NECAB1: variants seen among roughly 807,000 people sequenced by gnomAD.
NECAB1 encodes the protein N-terminal EF-hand calcium binding protein 1.
Under a neutral mutation model 57.5 loss-of-function variants are expected in NECAB1, and 29 were observed. The observed-to-expected ratio is 0.50, with a 90% CI of 0.38 to 0.69. The LOEUF (loss-of-function observed/expected upper bound fraction) is 0.69. NECAB1 is among the 30% of genes least tolerant of loss of function. The probability of loss-of-function intolerance (pLI) is 0.00; values close to 1 mark genes in which losing one functional copy is unlikely to be tolerated. For synonymous variants in NECAB1, 142 were observed against 147.7 expected (o/e 0.96, Z 0.28); for missense variants, 372 against 413.8 (o/e 0.90, Z 0.88).
chr8:90,838,558 C>A (rs1307530169), intron 3 of NECAB1, among the ~76,000 whole-genome samples: 1 of 152,154 alleles, frequency 6.6e-6, no homozygotes, highest in East Asian at 1.9e-4. Flanking sequence ...ACACTCACAC[C>A]CACAGTCACT....
At chr8:90,901,238 A>G (rs1809496091) in intron 5 of NECAB1, among the ~76,000 whole-genome samples, 1 of 151,288 alleles carries the variant, frequency 6.6e-6, no homozygotes, top group East Asian at 1.9e-4. Flanking sequence ...TCTCTGTTAA[A>G]AAAAAAAAAA....
intron 8 of NECAB1, among the ~76,000 whole-genome samples, chr8:90,932,496 T>A (rs546948818): frequency 6.6e-6 from 1 of 152,110 alleles, no homozygotes; most frequent in African/African-American, 2.4e-5. Flanking sequence ...ATAATACAGA[T>A]AGGGGGTTGA....
At chr8:90,822,109 A>G (rs1029990177) in intron 2 of NECAB1, among the ~76,000 whole-genome samples, 1 of 151,882 alleles carries the variant, frequency 6.6e-6, no homozygotes, top group Non-Finnish European at 1.5e-5. Context: ...AAAAGTTCAA[A>G]TTTATTACCA....
chr8:90,896,319 T>G (rs1809329764), intron 5 of NECAB1, among the ~76,000 whole-genome samples: 1 of 152,294 alleles, frequency 6.6e-6, no homozygotes, highest in Middle Eastern at 3.4e-3. Context: ...AGAATTAATA[T>G]GTCGGCCGGG....
At chr8:90,801,661 T>A in intron 1 of NECAB1, 30 bp from the exon 2 acceptor site, 4 of 1,465,782 alleles carry the variant, frequency 2.7e-6, no homozygotes, top group Non-Finnish European at 2.8e-6. Context: ...TCTAAAATGC[T>A]GATAAAATTT....
intron 3 of NECAB1, among the ~76,000 whole-genome samples, chr8:90,828,026 T>C (rs1812250467): frequency 6.6e-6 from 1 of 151,986 alleles, no homozygotes; most frequent in African/African-American, 2.4e-5. Flanking sequence ...CAAATCTAAC[T>C]CTACTGGTTT....
At chr8:90,947,606 G>T (rs1193443670) in intron 10 of NECAB1, among the ~76,000 whole-genome samples, 2 of 152,036 alleles carry the variant, frequency 1.3e-5, no homozygotes, top group Admixed American at 6.6e-5. Context: ...TCACCATGTT[G>T]GCCAGGCTGG....
intron 3 of NECAB1, among the ~76,000 whole-genome samples, chr8:90,864,992 C>T (rs1044740758): frequency 9.2e-5 from 14 of 151,800 alleles, no homozygotes; most frequent in African/African-American, 3.1e-4. Context: ...TGGGGTGGGG[C>T]GCAAATGGAG....
At chr8:90,803,193 G>T (rs547295385) in intron 2 of NECAB1, among the ~76,000 whole-genome samples, 1 of 152,066 alleles carries the variant, frequency 6.6e-6, no homozygotes, top group Non-Finnish European at 1.5e-5. Context: ...CACTGCACCC[G>T]GCCCATTTGA....
chr8:90,908,410 T>C (rs1171601060), intron 5 of NECAB1, among the ~76,000 whole-genome samples: 9 of 152,030 alleles, frequency 5.9e-5, no homozygotes, highest in Admixed American at 6.6e-5. Flanking sequence ...AACGTAACAT[T>C]TGGTTCTACG....
chr8:90,907,423 T>C (rs923928950), intron 5 of NECAB1, among the ~76,000 whole-genome samples: 2 of 152,160 alleles, frequency 1.3e-5, no homozygotes, highest in African/African-American at 4.8e-5. Context: ...GAAATAGTGC[T>C]GTCTTTCAAT....
chr8:90,875,342 G>A (rs564188843), intron 4 of NECAB1, among the ~76,000 whole-genome samples: 2 of 151,214 alleles, frequency 1.3e-5, no homozygotes, highest in East Asian at 2.0e-4. Flanking sequence ...TTAGCCGGGC[G>A]CGGTGGCGGG....
In NECAB1 at chr8:90,879,109, T is replaced by C. The variant is rs936171725; in HGVS notation, c.260-1924T>C. Among the ~76,000 whole-genome samples the C allele has an allele frequency of 1.3e-4, 18 of 140,282 alleles. 1 individual carries two copies. The highest frequency in any genetic ancestry group is 4.4e-4 in the African/African-American group (16 of 36,486). 92.0% of individuals were successfully genotyped at this position (140,282 alleles called of 152,430 possible). A position where few individuals can be genotyped will look rare whatever the true frequency, so the allele number is the denominator to read the frequency against. On this transcript the variant is annotated intron_variant, in intron 4 of 12. Transcript: ENST00000417640. The stretch of plus-strand genomic sequence containing the variant: ...ATATTATATATATAATATAGGTATC[T>C]ATATATAGATATCTATATATAATAT...
chr8:90,906,901 A>ATATGTATGTATG (rs1563528349), intron 5 of NECAB1, among the ~76,000 whole-genome samples: 2 of 139,310 alleles, frequency 1.4e-5, no homozygotes, highest in East Asian at 2.0e-4. Flanking sequence ...ATATATATAT[A>ATATGTATGTATG]TATATATATC....
rs1428807761 is a variant in NECAB1, at chr8:90,896,604, C to CAAAAAA, written c.357+15478_357+15483dup. On this transcript the variant is annotated intron_variant, in intron 5 of 12. Coordinates refer to ENST00000417640, the MANE Select transcript of NECAB1 (RefSeq NM_022351.5). Reference sequence around the variant, plus strand: ...TGGGCGACAGAGCGAGACTCCGTCTCAAAAAAAAACAAAAACAAAAACAAA... The same window carrying CAAAAAA: ...TGGGCGACAGAGCGAGACTCCGTCTCAAAAAAAAAAAAAAACAAAAACAAAAACAAA... 5.1e-5 allele frequency among the ~76,000 whole-genome samples: 6 copies of CAAAAAA among 117,210 alleles called. No individual in the cohort carries two copies. The Admixed American group carries it at 5.9e-4, about 12-fold the overall frequency. The allele number at this position is 117,210 out of a possible 152,430, so 76.9% of individuals were successfully genotyped here. A position where few individuals can be genotyped will look rare whatever the true frequency, so the allele number is the denominator to read the frequency against.
At chr8:90,848,434 C>T (rs1812609516) in intron 3 of NECAB1, among the ~76,000 whole-genome samples, 1 of 152,204 alleles carries the variant, frequency 6.6e-6, no homozygotes, top group Non-Finnish European at 1.5e-5. Flanking sequence ...GTTCCAAAGT[C>T]ACTTCCACAT....
chr8:90,955,112 T>TTAATTATATATA lies in NECAB1; in HGVS notation c.1031-373_1031-372insATTATATATATA, dbSNP rs1234665098. On this transcript the variant is annotated intron_variant, in intron 12 of 12. Transcript: ENST00000417640. Reference sequence around the variant, plus strand: ...ATTTCATAAATATTGGGTATATAAATTATATATATATATATATATATATAT... The same window carrying TTAATTATATATA: ...ATTTCATAAATATTGGGTATATAAATTAATTATATATATATATATATATATATATATATATAT... Among the ~76,000 whole-genome samples the TTAATTATATATA allele has an allele frequency of 9.4e-3, 663 of 70,780 alleles. 25 individuals carry two copies. The highest frequency in any genetic ancestry group is 0.03 in the African/African-American group (630 of 21,194). 46.4% of individuals were successfully genotyped at this position (70,780 alleles called of 152,430 possible). A position where few individuals can be genotyped will look rare whatever the true frequency, so the allele number is the denominator to read the frequency against.
At chr8:90,951,882 T>C (rs1456300973) in intron 12 of NECAB1, among the ~76,000 whole-genome samples, 1 of 152,186 alleles carries the variant, frequency 6.6e-6, no homozygotes, top group African/African-American at 2.4e-5. Context: ...TGACTTGAGC[T>C]AGTCCTTAAA....
At chr8:90,878,722 A>G (rs1384047741) in intron 4 of NECAB1, among the ~76,000 whole-genome samples, 1 of 152,052 alleles carries the variant, frequency 6.6e-6, no homozygotes, top group African/African-American at 2.4e-5. Flanking sequence ...AATGAAGTCT[A>G]GATAGGTGTC....
Sources: allele counts gnomAD v4.1 joint callset (sites outside exome capture counted in the v4.1 genomes callset), GRCh38; gene constraint gnomAD v4.1.1; transcripts MANE v1.5; gene names NCBI Gene and HGNC (gene_info 2026-07-23, HGNC 2026-07-21).